The following ABCC5 variants were observed in gnomAD, a reference collection of about 807,000 sequenced individuals.
The protein encoded by ABCC5 is ATP-binding cassette sub-family C member 5.
In ABCC5, 61 loss-of-function variants were observed where a neutral mutation model predicts 160.9. That is an observed-to-expected ratio of 0.38 (90% CI 0.31 to 0.47). The LOEUF (loss-of-function observed/expected upper bound fraction) is 0.47. Ranked by LOEUF, ABCC5 falls within the 20% of genes least tolerant of loss-of-function variation. ABCC5 has a pLI of 0.99. For missense variants in ABCC5, 1,308 were observed against 1,813.3 expected (o/e 0.72, Z 5.06); for synonymous variants, 666 against 700.6 (o/e 0.95, Z 0.78).
chr3:184,004,761 C>G (rs1177593322), intron 2 of ABCC5, among the ~76,000 whole-genome samples: 1 of 152,100 alleles, frequency 6.6e-6, no homozygotes, highest in East Asian at 1.9e-4. Flanking sequence ...AATATCATAC[C>G]TGCATAATAC....
Position 183,963,724 on chromosome 3 carries a change from G to T in ABCC5, c.2032-136C>A. 1.3e-6 allele frequency: 1 copy of T among 772,764 alleles called. No homozygotes were observed. Among genetic ancestry groups the T allele is most frequent in the East Asian group, 2.7e-5 (1 of 37,452 alleles). The allele number at this position is 772,764 out of a possible 1,614,324, so 47.9% of individuals were successfully genotyped here. A position where few individuals can be genotyped will look rare whatever the true frequency, so the allele number is the denominator to read the frequency against. On this transcript the variant is annotated intron_variant, in intron 14 of 29. Transcript: ENST00000334444. The surrounding 1 kb of genome is among the most constrained non-coding windows in gnomAD (Gnocchi z 4.6). ...TTCCCCGCAGATGAACTGCCATGCTGATTCCCCGCAGATGAACTGCCATGC... is the reference window on the plus strand; with the variant it reads ...TTCCCCGCAGATGAACTGCCATGCTTATTCCCCGCAGATGAACTGCCATGC...
chr3:183,982,851 A>G lies in ABCC5; in HGVS notation c.748T>C (p.Leu250=). 6.2e-7 allele frequency: 1 copy of G among 1,614,204 alleles called. No homozygotes were observed. Among genetic ancestry groups the G allele is most frequent in the Non-Finnish European group, 8.5e-7 (1 of 1,180,034 alleles). The change falls in exon 6 of 30, where the codon TTG becomes CTG. Residue 250 remains leucine, a synonymous_variant. Transcript: ENST00000334444. This position sits in a 1 kb window ranked among gnomAD's most constrained non-coding sequence, Gnocchi z 5.2. ...GCCATGGTTAGGATGGCCCCCCGCA[A>G]GCGGACACCGGTTCGGTAATTCAAT... ...WALNYRTGVR[L]RGAILTMAFK...
rs543271284 is a variant in ABCC5, at chr3:183,983,011, C to G, written c.592-4G>C. ...AGAGGTGTTTCACCATGAAGGCCTA[C>G]AGGGAGAGACACACACCACTGTCAA... On this transcript the variant is annotated splice_polypyrimidine_tract_variant and splice_region_variant and intron_variant, in intron 5 of 29. Transcript: ENST00000334444. The G allele has an allele frequency of 6.2e-7, 1 of 1,609,380 alleles. No individual in the cohort carries two copies. The highest frequency in any genetic ancestry group is 8.5e-7 in the Non-Finnish European group (1 of 1,175,768).
rs34821185 is a variant in ABCC5, at chr3:183,994,376, A to AT, written c.130-4994dup. On this transcript the variant is annotated intron_variant, in intron 2 of 29. Coordinates refer to ENST00000334444, the MANE Select transcript of ABCC5 (RefSeq NM_005688.4). The stretch of plus-strand genomic sequence containing the variant: ...ATCCTCACCAGTGCTTGGTATTGGC[A>AT]TTTTTTTTTTTACCCCCAAGACGGA... 4.0e-3 allele frequency among the ~76,000 whole-genome samples: 596 copies of AT among 150,122 alleles called. 6 individuals carry two copies. Among genetic ancestry groups the AT allele is most frequent in the African/African-American group, 0.013 (534 of 40,988 alleles).
chr3:183,985,017 C>T (rs1242747566), intron 5 of ABCC5: 4 of 840,512 alleles, frequency 4.8e-6, no homozygotes, highest in Non-Finnish European at 5.6e-6. Flanking sequence ...AGGTAAAAGA[C>T]ATAGTGAATG....
intron 26 of ABCC5, 82 bp downstream of exon 26, chr3:183,937,819 G>T: frequency 6.8e-7 from 1 of 1,466,010 alleles, no homozygotes; most frequent in South Asian, 1.3e-5. Context: ...GGTCCCAGGG[G>T]GCGGTGCTAG....
At position 183,951,483 on chromosome 3, in the gene ABCC5, TG is replaced by T; in HGVS notation, c.2901del (p.Thr968GlnfsTer39). The T allele has an allele frequency of 6.2e-7, 1 of 1,614,102 alleles. No individual in the cohort carries two copies. Among genetic ancestry groups the T allele is most frequent in the Non-Finnish European group, 8.5e-7 (1 of 1,180,006 alleles). ...GAAAACCTGTTGAGAATCCTCCCTG[TG>T]GGGGTCGTGTCAAAAAACTTCATAG... ...RSPMKFFDTTPTGRILNRFSK... is the reference protein window; with the variant it reads ...RSPMKFFDTTXTGRILNRFSK... On this transcript the variant is annotated frameshift_variant, in exon 20 of 30. Transcript: ENST00000334444. LOFTEE classifies it high-confidence loss of function. This position sits in a 1 kb window ranked among gnomAD's most constrained non-coding sequence, Gnocchi z 4.7.
At position 183,953,133 on chromosome 3, in the gene ABCC5, C is replaced by A; in HGVS notation, c.2620G>T (p.Ala874Ser). The A allele has an allele frequency of 6.2e-7, 1 of 1,613,954 alleles. No individual in the cohort carries two copies. Among genetic ancestry groups the A allele is most frequent in the South Asian group, 1.1e-5 (1 of 91,072 alleles). ...ALFMLNVGST[A>S]FSTWWLSYWI... The stretch of plus-strand genomic sequence containing the variant: ...TAACTCAACCACCAGGTGCTGAAGG[C>A]GGTGCTGCCTACATTCAGCATGAAA... The change falls in exon 18 of 30, where the codon GCC becomes TCC. Residue 874 changes from alanine to serine, a missense_variant. Physicochemically the swap from Ala to Ser is moderately conservative, Grantham distance 99. Around this residue, in one of 3 missense-constraint regions of ABCC5, gnomAD observed 1,142 missense variants for 1,527.1 expected, o/e 0.75. Transcript: ENST00000334444.
At position 183,933,562 on chromosome 3, in the gene ABCC5, G is replaced by A. The variant is rs539953756; in HGVS notation, c.3854+4339C>T. On this transcript the variant is annotated intron_variant, in intron 26 of 29. Transcript: ENST00000334444. ...ATGAAAAGGGGCCTCTCTTCTTGGA[G>A]GCAATCATGAGGGCAAAACAATAGG... Among the ~76,000 whole-genome samples, 516 of 152,324 alleles carry A rather than the reference G, an allele frequency of 3.4e-3. 3 individuals carry two copies. The highest frequency in any genetic ancestry group is 0.012 in the African/African-American group (491 of 41,578).
intron 11 of ABCC5, among the ~76,000 whole-genome samples, chr3:183,970,365 G>A (rs1245146806): frequency 6.6e-6 from 1 of 151,396 alleles, no homozygotes; most frequent in Non-Finnish European, 1.5e-5. Context: ...TTTAAATAAG[G>A]CATTCCCTCA....
In ABCC5 at chr3:183,988,559, C is replaced by T. The variant is rs1313116072; in HGVS notation, c.443+13G>A. 7 of 1,607,954 alleles carry T rather than the reference C, an allele frequency of 4.4e-6. No homozygotes were observed. In the African/African-American group the frequency reaches 6.7e-5, roughly 15 times the overall value. ...CGGCATGGGGGAGATGAGGGTGGACCAGAGGCGCCTACCTTCTGCAGTTCA... is the reference window on the plus strand; with the variant it reads ...CGGCATGGGGGAGATGAGGGTGGACTAGAGGCGCCTACCTTCTGCAGTTCA... On this transcript the variant is annotated intron_variant, in intron 4 of 29. Transcript: ENST00000334444. The surrounding 1 kb of genome is among the most constrained non-coding windows in gnomAD (Gnocchi z 4.4).
chr3:183,990,373 G>A (rs1399416799), intron 2 of ABCC5, among the ~76,000 whole-genome samples: 6 of 152,160 alleles, frequency 3.9e-5, no homozygotes, highest in African/African-American at 1.4e-4. Flanking sequence ...CCAAAGTGTT[G>A]GGATTATAGG....
chr3:183,924,010 CTTTTT>C (rs200040197), intron 29 of ABCC5, among the ~76,000 whole-genome samples: 11 of 112,800 alleles, frequency 9.8e-5, no homozygotes, highest in African/African-American at 4.0e-4. Context: ...TTACTGTTTG[CTTTTT>C]TTTTTTTTTT....
At chr3:183,934,703 G>A (rs1713514360) in intron 26 of ABCC5, among the ~76,000 whole-genome samples, 1 of 152,204 alleles carries the variant, frequency 6.6e-6, no homozygotes, top group Admixed American at 6.5e-5. Flanking sequence ...AAAAAGCAGA[G>A]ACGACGTCTC....
intron 27 of ABCC5, among the ~76,000 whole-genome samples, chr3:183,928,190 C>A (rs1712794520): frequency 6.6e-6 from 1 of 151,390 alleles, no homozygotes; most frequent in South Asian, 2.1e-4. Flanking sequence ...TCGCTCACTG[C>A]AACCTCTGTC....
intron 1 of ABCC5, among the ~76,000 whole-genome samples, chr3:184,015,379 GCTGAGAA>G (rs1449610069): frequency 1.3e-4 from 20 of 152,140 alleles, no homozygotes; most frequent in Non-Finnish European, 2.5e-4. Context: ...CCAGAGACAA[GCTGAGAA>G]AACACCTTTC....
chr3:183,947,492 A>G lies in ABCC5; in HGVS notation c.3246T>C (p.Asp1082=), dbSNP rs1179940543. Residue 1082 remains aspartate, a synonymous_variant, in exon 23 of 30, where the codon GAT becomes GAC. Transcript: ENST00000334444. Reference sequence around the variant, plus strand: ...ACAAAAAAAAAGGAGCTTGGTTGTCATCCAGCAGCTCCTGGTATCTGTGAG... The same window carrying G: ...ACAAAAAAAAAGGAGCTTGGTTGTCGTCCAGCAGCTCCTGGTATCTGTGAG... ...EFLHRYQELL[D]DNQAPFFLFT... The G allele has an allele frequency of 6.2e-7, 1 of 1,601,054 alleles. No homozygotes were observed. Among genetic ancestry groups the G allele is most frequent in the African/African-American group, 1.3e-5 (1 of 74,388 alleles).
intron 2 of ABCC5, among the ~76,000 whole-genome samples, chr3:183,991,679 T>C (rs535483910): frequency 6.6e-6 from 1 of 152,334 alleles, no homozygotes; most frequent in South Asian, 2.1e-4. Flanking sequence ...TGGTACAACA[T>C]GACAGGAGTC....
At chr3:183,984,688 T>A in intron 5 of ABCC5, 1 of 1,492,684 alleles carries the variant, frequency 6.7e-7, no homozygotes, top group Non-Finnish European at 8.9e-7. Flanking sequence ...TTTATATCCA[T>A]TGCTTGGGTC....
Sources: allele counts gnomAD v4.1 joint callset (sites outside exome capture counted in the v4.1 genomes callset), GRCh38; gene constraint gnomAD v4.1.1; regional missense constraint gnomAD v4.1.1; non-coding constraint Gnocchi (gnomAD v3.1); transcripts MANE v1.5; gene names NCBI Gene and HGNC (gene_info 2026-07-23, HGNC 2026-07-21).